Variants in PLCL1 observed in about 807,000 individuals in gnomAD.
The protein encoded by PLCL1 is inactive phospholipase C-like protein 1.
PLCL1 carries 41 observed loss-of-function variants against 84.4 expected under a neutral mutation model. That is an observed-to-expected ratio of 0.49 (90% CI 0.38 to 0.63). The LOEUF is 0.63. Among genes scored for constraint, PLCL1 ranks in the 30% least tolerant of loss-of-function variants. The pLI is 0.00. For missense variants in PLCL1, 1,206 were observed against 1,367.8 expected, an observed-to-expected ratio of 0.88 and a Z score of 1.87; for synonymous variants, 490 against 488.3, an observed-to-expected ratio of 1.00 and a Z score of -0.05.
intron 1 of PLCL1, among the ~76,000 whole-genome samples, chr2:197,946,338 G>GA (rs987027409): frequency 6.6e-6 from 1 of 152,050 alleles, no homozygotes; most frequent in Non-Finnish European, 1.5e-5. Context: ...CAGAAACTGG[G>GA]AAAAATAATG....
chr2:197,863,177 T>A (rs1378693178), intron 1 of PLCL1, among the ~76,000 whole-genome samples: 1 of 151,762 alleles, frequency 6.6e-6, no homozygotes, highest in Non-Finnish European at 1.5e-5. Context: ...TTTTTTTTTT[T>A]AATGATTATG....
At chr2:198,116,757 G>A (rs1281004813) in intron 5 of PLCL1, among the ~76,000 whole-genome samples, 1 of 151,864 alleles carries the variant, frequency 6.6e-6, no homozygotes, top group African/African-American at 2.4e-5. Flanking sequence ...AAGCTCCAGG[G>A]TTTCAGAGAC....
intron 5 of PLCL1, among the ~76,000 whole-genome samples, chr2:198,135,342 T>G (rs187615751): frequency 4.8e-4 from 73 of 152,324 alleles, no homozygotes; most frequent in African/African-American, 1.7e-3. Context: ...TTAATTACCT[T>G]CATCACCTTG....
chr2:197,829,608 G>A (rs1383751076), intron 1 of PLCL1, among the ~76,000 whole-genome samples: 1 of 152,098 alleles, frequency 6.6e-6, no homozygotes, highest in Non-Finnish European at 1.5e-5. Flanking sequence ...ATTATAAGTA[G>A]TATTCATTAG....
At chr2:197,816,565 G>T (rs1287254700) in intron 1 of PLCL1, among the ~76,000 whole-genome samples, 1 of 151,814 alleles carries the variant, frequency 6.6e-6, no homozygotes, top group Non-Finnish European at 1.5e-5. Context: ...AAGAGTTTAT[G>T]GTCCAACTTT....
In PLCL1 at chr2:197,972,203, T is replaced by C. The variant is rs528451869; in HGVS notation, c.241-111555T>C. 2.6e-5 allele frequency among the ~76,000 whole-genome samples: 4 copies of C among 152,376 alleles called. No homozygotes were observed. In the East Asian group the frequency reaches 7.7e-4, roughly 29 times the overall value. On this transcript the variant is annotated intron_variant, in intron 1 of 5. Coordinates refer to ENST00000428675, the MANE Select transcript of PLCL1 (RefSeq NM_006226.4). Reference sequence around the variant, plus strand: ...CCATGAGGGCACATGCTGAGTAATATGTTTTTGAGGCAGGCTGCCAAGTTT... The same window carrying C: ...CCATGAGGGCACATGCTGAGTAATACGTTTTTGAGGCAGGCTGCCAAGTTT...
At chr2:197,998,884 C>CT (rs1690531165) in intron 1 of PLCL1, among the ~76,000 whole-genome samples, 1 of 152,106 alleles carries the variant, frequency 6.6e-6, no homozygotes, top group African/African-American at 2.4e-5. Flanking sequence ...GAACGGAACC[C>CT]ACCCACATGA....
chr2:197,931,603 G>GAAAC (rs1559048749), intron 1 of PLCL1, among the ~76,000 whole-genome samples: 1 of 67,544 alleles, frequency 1.5e-5, no homozygotes, highest in Non-Finnish European at 2.9e-5. Flanking sequence ...TATGATTCAA[G>GAAAC]AAATAGACAG....
At chr2:198,056,058 A>T (rs1327177685) in intron 1 of PLCL1, among the ~76,000 whole-genome samples, 1 of 152,224 alleles carries the variant, frequency 6.6e-6, no homozygotes, top group Non-Finnish European at 1.5e-5. Flanking sequence ...CTTGGCTTCA[A>T]ATTGAGAGGG....
At chr2:197,943,359 C>CA (rs1689200304) in intron 1 of PLCL1, among the ~76,000 whole-genome samples, 1 of 152,054 alleles carries the variant, frequency 6.6e-6, no homozygotes, top group Non-Finnish European at 1.5e-5. Context: ...ATAAGACACA[C>CA]ACACACACAC....
chr2:197,832,908 A>T (rs1389488505), intron 1 of PLCL1, among the ~76,000 whole-genome samples: 2 of 152,214 alleles, frequency 1.3e-5, no homozygotes, highest in Admixed American at 6.5e-5. Flanking sequence ...AAAACACATG[A>T]TTATCTCAAT....
intron 4 of PLCL1, among the ~76,000 whole-genome samples, chr2:198,102,905 G>T (rs531356524): frequency 1.3e-5 from 2 of 152,134 alleles, no homozygotes; most frequent in South Asian, 4.1e-4. Context: ...CATCTTTAAG[G>T]TGCTAAGACA....
At chr2:198,070,782 A>G (rs557016726) in intron 1 of PLCL1, among the ~76,000 whole-genome samples, 43 of 152,124 alleles carry the variant, frequency 2.8e-4, no homozygotes, top group African/African-American at 1.0e-3. Context: ...AAAAAGATGG[A>G]TGTCATTAAT....
At chr2:198,028,686 C>T (rs1691332733) in intron 1 of PLCL1, among the ~76,000 whole-genome samples, 1 of 152,148 alleles carries the variant, frequency 6.6e-6, no homozygotes, top group Non-Finnish European at 1.5e-5. Context: ...TGACCTTCTC[C>T]TATTCGGGGA....
intron 5 of PLCL1, among the ~76,000 whole-genome samples, chr2:198,135,672 A>G (rs948962661): frequency 2.0e-5 from 3 of 152,188 alleles, no homozygotes; most frequent in Non-Finnish European, 4.4e-5. Flanking sequence ...TTAGGCTTGC[A>G]GTCATTTGCC....
chr2:198,131,436 T>C (rs1694116214), intron 5 of PLCL1, among the ~76,000 whole-genome samples: 2 of 152,178 alleles, frequency 1.3e-5, no homozygotes, highest in African/African-American at 4.8e-5. Flanking sequence ...TGTAAGCAAT[T>C]AGGTGATGAA....
intron 1 of PLCL1, among the ~76,000 whole-genome samples, chr2:197,893,589 C>G (rs552543660): frequency 6.6e-6 from 1 of 152,128 alleles, no homozygotes; most frequent in African/African-American, 2.4e-5. Flanking sequence ...AAGGCTGAGG[C>G]TCAGAGAAGT....
At position 197,903,397 on chromosome 2, in the gene PLCL1, A is replaced by G. The variant is rs192616006; in HGVS notation, c.240+98058A>G. Among the ~76,000 whole-genome samples, 315 of 150,300 alleles carry G rather than the reference A, an allele frequency of 2.1e-3. 1 individual carries two copies. Among genetic ancestry groups the G allele is most frequent in the African/African-American group, 7.5e-3 (307 of 40,730 alleles). On this transcript the variant is annotated intron_variant, in intron 1 of 5. Transcript: ENST00000428675. ...TTACTAAAATAAATCTCAGAGGAATATCTGGCTAAAGGTTACACAGTTTCA... is the reference window on the plus strand; with the variant it reads ...TTACTAAAATAAATCTCAGAGGAATGTCTGGCTAAAGGTTACACAGTTTCA...
chr2:198,127,640 A>T (rs1214734304), intron 5 of PLCL1, among the ~76,000 whole-genome samples: 1 of 152,162 alleles, frequency 6.6e-6, no homozygotes, highest in African/African-American at 2.4e-5. Context: ...CAGGTTGGGG[A>T]TACACCAATG....
Sources: allele counts gnomAD v4.1 joint callset (sites outside exome capture counted in the v4.1 genomes callset), GRCh38; gene constraint gnomAD v4.1.1; transcripts MANE v1.5; gene names NCBI Gene and HGNC (gene_info 2026-07-23, HGNC 2026-07-21).